Variants in NELL1 observed in about 807,000 individuals in gnomAD.
NELL1 encodes the protein protein kinase C-binding protein NELL1.
NELL1 carries 76 observed loss-of-function variants against 107.4 expected under a neutral mutation model. The observed-to-expected ratio is 0.71, with a 90% CI of 0.59 to 0.86. The LOEUF (loss-of-function observed/expected upper bound fraction) is 0.86. Among genes scored for constraint, NELL1 ranks in the 40% least tolerant of loss-of-function variants. The pLI is 0.00. For missense variants in NELL1, 1,024 were observed against 1,005.5 expected (o/e 1.02, Z -0.25); for synonymous variants, 353 against 341.2 (o/e 1.03, Z -0.38).
chr11:21,518,709 T>G (rs1293528085), intron 15 of NELL1, among the ~76,000 whole-genome samples: 2 of 152,192 alleles, frequency 1.3e-5, no homozygotes, highest in African/African-American at 4.8e-5. Context: ...CAGTGTGATC[T>G]ACTGAGAGGT....
rs1251052236 is a variant in NELL1 at position 20,947,369 on chromosome 11, C to T, written c.1105C>T (p.Pro369Ser). 6.2e-7 allele frequency: 1 copy of T among 1,613,958 alleles called. No homozygotes were observed. The highest frequency in any genetic ancestry group is 8.5e-7 in the Non-Finnish European group (1 of 1,179,912). Residue 369 changes from proline (P) to serine (S), a missense_variant, in exon 11 of 20, where the codon CCT becomes TCT. Physicochemically the swap from Pro to Ser is moderately conservative, Grantham distance 74. Transcript: ENST00000357134. ...GVLVKITEMC[P>S]PLNCSEKDHI... ...TTTAGTAAAAATTACAGAAATGTGT[C>T]CTCCTTTGAACTGCTCAGAAAAGGA... is the stretch of plus-strand genomic sequence containing the variant.
chr11:21,438,444 C>A (rs963287311), intron 15 of NELL1, among the ~76,000 whole-genome samples: 1 of 152,062 alleles, frequency 6.6e-6, no homozygotes, highest in African/African-American at 2.4e-5. Flanking sequence ...TCAGAGAGAA[C>A]TTTTTGTTTT....
At chr11:21,467,446 A>G (rs1167463064) in intron 15 of NELL1, among the ~76,000 whole-genome samples, 1 of 152,194 alleles carries the variant, frequency 6.6e-6, no homozygotes, top group Middle Eastern at 3.4e-3. Flanking sequence ...CAATATAGAC[A>G]TGGAAGTGCA....
intron 14 of NELL1, among the ~76,000 whole-genome samples, chr11:21,269,280 T>A (rs1046167349): frequency 2.6e-5 from 4 of 151,744 alleles, no homozygotes; most frequent in African/African-American, 9.7e-5. Context: ...AACATTAATG[T>A]CAGACAACAA....
intron 12 of NELL1, among the ~76,000 whole-genome samples, chr11:20,981,817 C>A (rs1317061328): frequency 3.9e-5 from 6 of 152,114 alleles, no homozygotes; most frequent in Non-Finnish European, 7.4e-5. Context: ...GGTAGAAAAT[C>A]AAATTCAACA....
At position 21,255,456 on chromosome 11, in the gene NELL1, T is replaced by G. The variant is rs1193312762; in HGVS notation, c.1549+26002T>G. Among the ~76,000 whole-genome samples the G allele has an allele frequency of 2.0e-5, 3 of 152,076 alleles. No individual in the cohort carries two copies. The East Asian group carries it at 5.8e-4, about 29-fold the overall frequency. ...TCAGAACTTTCTTAGAAAAATATCTTGTGTGCACTAGCTTTGGAGGAAGAA... is the reference window on the plus strand; with the variant it reads ...TCAGAACTTTCTTAGAAAAATATCTGGTGTGCACTAGCTTTGGAGGAAGAA... On this transcript the variant is annotated intron_variant, in intron 14 of 19. Transcript: ENST00000357134.
chr11:21,004,280 T>C (rs190741354), intron 12 of NELL1, among the ~76,000 whole-genome samples: 259 of 152,290 alleles, frequency 1.7e-3, no homozygotes, highest in African/African-American at 5.7e-3. Flanking sequence ...AATGCAGTAA[T>C]TGAAGTGGTT....
Position 20,706,939 on chromosome 11 carries a change from G to A in NELL1, c.184+28879G>A, listed in dbSNP as rs1414934708. ...AATGTTGGCCTGCCTTGTTAGGTTG[G>A]GGAAGTTCTCCTGAAGAGTATTTTC... is the stretch of plus-strand genomic sequence containing the variant. On this transcript the variant is annotated intron_variant, in intron 2 of 19. Coordinates refer to ENST00000357134, the MANE Select transcript of NELL1 (RefSeq NM_006157.5). Among the ~76,000 whole-genome samples the A allele has an allele frequency of 2.0e-5, 3 of 152,060 alleles. No individual in the cohort carries two copies. In the East Asian group the frequency reaches 5.8e-4, roughly 29 times the overall value.
chr11:20,695,026 T>C (rs935682937), intron 2 of NELL1, among the ~76,000 whole-genome samples: 1 of 152,098 alleles, frequency 6.6e-6, no homozygotes, highest in Non-Finnish European at 1.5e-5. Flanking sequence ...TTAGGTGTGT[T>C]TCTAGGTATT....
chr11:20,747,285 G>A (rs1333893764), intron 2 of NELL1, among the ~76,000 whole-genome samples: 1 of 152,212 alleles, frequency 6.6e-6, no homozygotes, highest in South Asian at 2.1e-4. Flanking sequence ...AACAGAATGT[G>A]CTGAATCTTT....
chr11:21,441,301 G>A (rs2133845952), intron 15 of NELL1, among the ~76,000 whole-genome samples: 1 of 149,978 alleles, frequency 6.7e-6, no homozygotes, highest in Non-Finnish European at 1.5e-5. Context: ...ATTCTGAACA[G>A]CCATATATTC....
chr11:20,940,192 C>CCTCT (rs376167005), intron 10 of NELL1, among the ~76,000 whole-genome samples: 1 of 149,606 alleles, frequency 6.7e-6, no homozygotes, highest in African/African-American at 2.5e-5. Flanking sequence ...TCCCTCCGTC[C>CCTCT]CTCTCTCTCT....
At chr11:20,832,804 T>G (rs1396571823) in intron 3 of NELL1, among the ~76,000 whole-genome samples, 1 of 152,214 alleles carries the variant, frequency 6.6e-6, no homozygotes, top group African/African-American at 2.4e-5. Context: ...CTTACTATAT[T>G]TATTGAGAGC....
chr11:21,563,093 T>A (rs1276931747), intron 17 of NELL1, among the ~76,000 whole-genome samples: 1 of 152,092 alleles, frequency 6.6e-6, no homozygotes, highest in Non-Finnish European at 1.5e-5. Flanking sequence ...TTAAAACTTA[T>A]GTCCCTCCAG....
At chr11:21,353,157 T>A (rs1254581069) in intron 14 of NELL1, among the ~76,000 whole-genome samples, 3 of 152,172 alleles carry the variant, frequency 2.0e-5, no homozygotes, top group Non-Finnish European at 4.4e-5. Context: ...GCTTGATCCC[T>A]TCATGGCCAG....
chr11:21,157,239 T>C (rs1336669257), intron 13 of NELL1, among the ~76,000 whole-genome samples: 1 of 152,032 alleles, frequency 6.6e-6, no homozygotes, highest in Non-Finnish European at 1.5e-5. Context: ...CATGTATTTT[T>C]AAATATTTGC....
chr11:21,141,861 T>C (rs1855876716), intron 13 of NELL1, among the ~76,000 whole-genome samples: 1 of 151,994 alleles, frequency 6.6e-6, no homozygotes, highest in African/African-American at 2.4e-5. Flanking sequence ...CCTCCTGGGT[T>C]CAAGCAATTC....
chr11:21,402,809 T>A (rs1852130981), intron 15 of NELL1, among the ~76,000 whole-genome samples: 1 of 151,750 alleles, frequency 6.6e-6, no homozygotes, highest in Admixed American at 6.6e-5. Flanking sequence ...TAGTCTTCTA[T>A]TAGGAGCATA....
At chr11:20,711,004 T>G (rs562391927) in intron 2 of NELL1, among the ~76,000 whole-genome samples, 13 of 152,228 alleles carry the variant, frequency 8.5e-5, no homozygotes, top group Admixed American at 2.6e-4. Context: ...TTTTTTTGTA[T>G]TTTTTTGTTT....
Sources: gnomAD v4.1 joint callset for allele counts (sites outside exome capture counted in the v4.1 genomes callset) on GRCh38, gnomAD v4.1.1 for gene constraint, MANE v1.5 for transcripts, NCBI Gene and HGNC (gene_info 2026-07-23, HGNC 2026-07-21) for gene names.